Variants in DCHS2 observed in about 807,000 individuals in gnomAD.
DCHS2 encodes the protein dachsous cadherin-related 2, also known as protocadherin-23.
DCHS2 carries 142 observed loss-of-function variants against 182.4 expected under a neutral mutation model. The ratio of observed to expected loss-of-function variants is 0.78; its 90% CI spans 0.68 to 0.89. The LOEUF (loss-of-function observed/expected upper bound fraction) is 0.89. Among genes scored for constraint, DCHS2 ranks in the 40% least tolerant of loss-of-function variants. The pLI, the probability that DCHS2 is intolerant of heterozygous loss-of-function variation, is 0.00. For missense variants in DCHS2, 4,319 were observed against 4,198.6 expected, an observed-to-expected ratio of 1.03 and a Z score of -0.79; for synonymous variants, 1,740 against 1,663.3, an observed-to-expected ratio of 1.05 and a Z score of -1.12.
intron 3 of DCHS2, among the ~76,000 whole-genome samples, chr4:154,362,037 A>T (rs1334926686): frequency 6.6e-6 from 1 of 152,234 alleles, no homozygotes; most frequent in Non-Finnish European, 1.5e-5. Flanking sequence ...AAATGGGCTC[A>T]TCAATTCTCA....
chr4:154,237,091 C>T lies in DCHS2; in HGVS notation c.7561G>A (p.Ala2521Thr), dbSNP rs1462902297. 2 of 1,613,706 alleles carry T rather than the reference C, an allele frequency of 1.2e-6. No homozygotes were observed. The highest frequency in any genetic ancestry group is 1.7e-5 in the Admixed American group (1 of 59,998). ...AGGTCAGGATTTCCACCATCACTGG[C>T]TTCCACAAGAAATTGAGTTGTTGAT... The part of the protein sequence containing the change: ...TISTTQFLVE[A>T]SDGGNPDLRA... The change falls in exon 20 of 20, where the codon GCC becomes ACC. Residue 2521 changes from alanine to threonine, a missense_variant. By Grantham distance (58) the Ala-to-Thr change is moderately conservative. Coordinates refer to ENST00000357232, the MANE Select transcript of DCHS2 (RefSeq NM_001358235.2).
intron 1 of DCHS2, among the ~76,000 whole-genome samples, chr4:154,378,765 A>G (rs754996217): frequency 2.0e-5 from 3 of 152,180 alleles, no homozygotes; most frequent in Non-Finnish European, 2.9e-5. Flanking sequence ...AGCAGAGGGC[A>G]TGCTCTAATG....
rs1728710729 is a variant in DCHS2, at chr4:154,334,807, C to CA, written c.2713+60dup. ...AAATTATTCAAGATTGTACCGCCTA[C>CA]AAAAAAACAAGAAATGTTCCAATAA... is the stretch of plus-strand genomic sequence containing the variant. On this transcript the variant is annotated intron_variant, in intron 4 of 19. Coordinates refer to ENST00000357232, the MANE Select transcript of DCHS2 (RefSeq NM_001358235.2). 8.6e-6 allele frequency: 12 copies of CA among 1,403,026 alleles called. No homozygotes were observed. In the South Asian group the frequency reaches 9.6e-5, roughly 11 times the overall value. The allele number at this position is 1,403,026 out of a possible 1,614,324, so 86.9% of individuals were successfully genotyped here. A position where few individuals can be genotyped will look rare whatever the true frequency, so the allele number is the denominator to read the frequency against.
At chr4:154,351,535 T>C (rs1395988183) in intron 3 of DCHS2, among the ~76,000 whole-genome samples, 2 of 152,240 alleles carry the variant, frequency 1.3e-5, no homozygotes, top group Admixed American at 1.3e-4. Context: ...CCTTCTTATT[T>C]ATACAATAGT....
intron 17 of DCHS2, 123 bp from the exon 18 acceptor site, chr4:154,240,946 A>G (rs1731796613): frequency 7.1e-7 from 1 of 1,412,912 alleles, no homozygotes. Flanking sequence ...TCTTGGCTTG[A>G]TTTCTCATAC....
At chr4:154,421,407 T>TTTAATTTAA (rs1560748626) in intron 1 of DCHS2, among the ~76,000 whole-genome samples, 1 of 69,456 alleles carries the variant, frequency 1.4e-5, no homozygotes, top group East Asian at 9.3e-4. Context: ...ATTTAATTTA[T>TTTAATTTAA]TTATTTGAGA....
At chr4:154,438,450 G>T (rs1018706508) in intron 1 of DCHS2, among the ~76,000 whole-genome samples, 1 of 152,254 alleles carries the variant, frequency 6.6e-6, no homozygotes, top group African/African-American at 2.4e-5. Flanking sequence ...TTAATATCTG[G>T]TTGTACAGGC....
intron 3 of DCHS2, among the ~76,000 whole-genome samples, chr4:154,356,679 G>A (rs553376043): frequency 5.9e-5 from 9 of 152,180 alleles, no homozygotes; most frequent in African/African-American, 9.6e-5. Flanking sequence ...TAGTCAATGC[G>A]GTAACATGCT....
intron 13 of DCHS2, among the ~76,000 whole-genome samples, chr4:154,283,949 A>C (rs1256390995): frequency 6.6e-6 from 1 of 152,194 alleles, no homozygotes; most frequent in Non-Finnish European, 1.5e-5. Flanking sequence ...CAGAGCCTGC[A>C]TGTGTTCAGA....
At chr4:154,481,964 A>G (rs1173150783) in intron 1 of DCHS2, among the ~76,000 whole-genome samples, 1 of 152,220 alleles carries the variant, frequency 6.6e-6, no homozygotes, top group African/African-American at 2.4e-5. Flanking sequence ...CACACACTTC[A>G]TCAGTGGACT....
intron 5 of DCHS2, among the ~76,000 whole-genome samples, chr4:154,330,845 C>CT (rs1460111757): frequency 6.6e-6 from 1 of 152,006 alleles, no homozygotes; most frequent in African/African-American, 2.4e-5. Context: ...CACACAATTG[C>CT]TTTTTTTAAA....
rs1465395737 is a variant in DCHS2, at chr4:154,490,376, G to C, written c.980C>G (p.Pro327Arg). 6.5e-7 allele frequency: 1 copy of C among 1,535,540 alleles called. No individual in the cohort carries two copies. The highest frequency in any genetic ancestry group is 8.7e-7 in the Non-Finnish European group (1 of 1,144,894). The change falls in exon 1 of 20, where the codon CCC (proline) becomes CGC (arginine). Residue 327 changes from proline (P) to arginine (R), a missense_variant. Transcript: ENST00000357232. ...RVRATDRDLG[P>R]NGFVRYSVRA... ...GACGCTGTAGCGCACGAAGCCATTG[G>C]GCCCCAGGTCGCGGTCGGTGGCGCG... is the stretch of plus-strand genomic sequence containing the variant.
Position 154,389,536 on chromosome 4 carries a change from A to ATATATATATATATATATATATAT in DCHS2, c.2053-12093_2053-12092insATATATATATATATATATATATA, listed in dbSNP as rs1485000004. ...AAAGGTTATATATATATATATATAT[A>ATATATATATATATATATATATAT]ACCTTTTTTTAAAGGACCTAAACTA... On this transcript the variant is annotated intron_variant, in intron 1 of 19. Transcript: ENST00000357232. 1.3e-3 allele frequency among the ~76,000 whole-genome samples: 182 copies of ATATATATATATATATATATATAT among 144,376 alleles called. 1 individual carries two copies. Among genetic ancestry groups the ATATATATATATATATATATATAT allele is most frequent in the Non-Finnish European group, 2.0e-3 (129 of 65,018 alleles). 94.7% of individuals were successfully genotyped at this position (144,376 alleles called of 152,430 possible). A position where few individuals can be genotyped will look rare whatever the true frequency, so the allele number is the denominator to read the frequency against.
At chr4:154,329,815 T>C in intron 5 of DCHS2, 105 bp from the exon 6 acceptor site, 2 of 1,050,736 alleles carry the variant, frequency 1.9e-6, no homozygotes, top group Non-Finnish European at 1.4e-6. Flanking sequence ...TGAGCAAATA[T>C]GCGACTTCTA....
Position 154,297,883 on chromosome 4 carries a change from T to A in DCHS2, c.6431A>T (p.Tyr2144Phe). ...DVKISFSHHL[Y>F]KGLVTENCEA... is the part of the protein sequence containing the mutation. ...ACAATTTTCAGTCACGAGCCCTTTA[T>A]ACAGGTGGTGGCTGAAGGAAATCTT... The change falls in exon 13 of 20, where the codon TAT (tyrosine) becomes TTT (phenylalanine). Residue 2144 changes from tyrosine (Y) to phenylalanine (F), a missense_variant. Tyr to Phe is a conservative substitution (Grantham distance 22). Coordinates refer to ENST00000357232, the MANE Select transcript of DCHS2 (RefSeq NM_001358235.2). The A allele has an allele frequency of 6.2e-7, 1 of 1,613,952 alleles. No homozygotes were observed. Among genetic ancestry groups the A allele is most frequent in the Non-Finnish European group, 8.5e-7 (1 of 1,179,878 alleles).
chr4:154,332,343 A>C, intron 5 of DCHS2, 135 bp downstream of exon 5: 1 of 682,120 alleles, frequency 1.5e-6, no homozygotes, highest in Non-Finnish European at 2.4e-6. Context: ...TGTATGCACT[A>C]ATGCTATACC....
intron 8 of DCHS2, 32 bp from the exon 9 acceptor site, chr4:154,321,254 G>A: frequency 1.4e-6 from 2 of 1,441,832 alleles, no homozygotes; most frequent in Non-Finnish European, 1.8e-6. Context: ...TATTAATTTG[G>A]GGTATTTTTA....
At chr4:154,375,892 C>T (rs1730869239) in intron 2 of DCHS2, among the ~76,000 whole-genome samples, 1 of 152,000 alleles carries the variant, frequency 6.6e-6, no homozygotes, top group South Asian at 2.1e-4. Context: ...ATACTATAAG[C>T]CAATGAGAAT....
intron 1 of DCHS2, among the ~76,000 whole-genome samples, chr4:154,403,981 T>C (rs113946737): frequency 1.6e-3 from 244 of 152,290 alleles, no homozygotes; most frequent in African/African-American, 5.6e-3. Flanking sequence ...CTTTTTTTCT[T>C]GATAATGCTT....
Sources: gnomAD v4.1 joint callset for allele counts (sites outside exome capture counted in the v4.1 genomes callset) on GRCh38, gnomAD v4.1.1 for gene constraint, MANE v1.5 for transcripts, NCBI Gene and HGNC (gene_info 2026-07-23, HGNC 2026-07-21) for gene names.